The following CLEC16A variants were observed in gnomAD, a reference collection of about 807,000 sequenced individuals.
The protein encoded by CLEC16A is protein CLEC16A.
In CLEC16A, 51 loss-of-function variants were observed where a neutral mutation model predicts 109.5. The observed-to-expected ratio is 0.47, with a 90% CI of 0.37 to 0.59. The LOEUF is 0.59. CLEC16A is among the 20% of genes least tolerant of loss of function. The probability of loss-of-function intolerance (pLI) is 0.00; values close to 1 mark genes in which losing one functional copy is unlikely to be tolerated. For missense variants in CLEC16A, 1,339 were observed against 1,394.0 expected (o/e 0.96, Z 0.63); for synonymous variants, 673 against 564.2 (o/e 1.19, Z -2.73).
At chr16:11,153,883 G>A (rs2054396146) in intron 22 of CLEC16A, among the ~76,000 whole-genome samples, 1 of 152,150 alleles carries the variant, frequency 6.6e-6, no homozygotes, top group African/African-American at 2.4e-5. Flanking sequence ...GGAACAAAGG[G>A]AAAAGAGAGC....
intron 22 of CLEC16A, among the ~76,000 whole-genome samples, chr16:11,159,845 G>A (rs577880292): frequency 6.6e-6 from 1 of 152,094 alleles, no homozygotes; most frequent in African/African-American, 2.4e-5. Flanking sequence ...TTTACTTTTT[G>A]TTTTAGTAGC....
At chr16:11,150,230 ACAGAGG>A (rs2054241161) in intron 22 of CLEC16A, 1 of 152,242 alleles carries the variant, frequency 6.6e-6, no homozygotes, top group African/African-American at 2.4e-5. Context: ...ATATCTGGCC[ACAGAGG>A]TTTAGGATAA....
chr16:11,018,565 C>G (rs1054928482), intron 11 of CLEC16A, among the ~76,000 whole-genome samples: 1 of 151,926 alleles, frequency 6.6e-6, no homozygotes, highest in Non-Finnish European at 1.5e-5. Context: ...CTGGCCAACA[C>G]GGTGAAACCC....
chr16:11,058,521 A>G (rs1474094115), intron 18 of CLEC16A, among the ~76,000 whole-genome samples: 2 of 141,530 alleles, frequency 1.4e-5, no homozygotes. Context: ...TACAGATGCA[A>G]CCCTTTTTTT....
intron 10 of CLEC16A, among the ~76,000 whole-genome samples, chr16:10,988,730 C>T (rs146728706): frequency 1.3e-5 from 2 of 152,112 alleles, no homozygotes. Flanking sequence ...CTCCTCAAAT[C>T]GTGGTCCCTG....
At chr16:11,170,305 G>A (rs1377814003) in intron 23 of CLEC16A, among the ~76,000 whole-genome samples, 1 of 152,186 alleles carries the variant, frequency 6.6e-6, no homozygotes, top group Admixed American at 6.5e-5. Context: ...GAACCCCTGG[G>A]GGAGGAAGGC....
chr16:10,996,136 G>A (rs1281204949), intron 10 of CLEC16A, among the ~76,000 whole-genome samples: 4 of 152,076 alleles, frequency 2.6e-5, no homozygotes, highest in Non-Finnish European at 5.9e-5. Context: ...CCTCCCTGCT[G>A]CCCCACTGAA....
chr16:11,046,077 C>G (rs915798280), intron 16 of CLEC16A, among the ~76,000 whole-genome samples: 6 of 152,112 alleles, frequency 3.9e-5, no homozygotes, highest in Admixed American at 3.9e-4. Flanking sequence ...GCAAAGCCCA[C>G]GAGAAAGCAG....
intron 19 of CLEC16A, among the ~76,000 whole-genome samples, chr16:11,073,244 G>A (rs2049168110): frequency 1.3e-5 from 2 of 152,138 alleles, no homozygotes; most frequent in African/African-American, 4.8e-5. Context: ...TTTAAAGGAA[G>A]CACAGTCCTC....
chr16:11,178,562 C>A lies in CLEC16A; in HGVS notation c.3034C>A (p.Pro1012Thr), dbSNP rs200175537. ...CGTCGAATCGCTGACCCTTGTCCCCCCAGTTGACCCCCACAGCCTCCGCAG... is the reference window on the plus strand; with the variant it reads ...CGTCGAATCGCTGACCCTTGTCCCCACAGTTGACCCCCACAGCCTCCGCAG... ...LSVESLTLVP[P>T]VDPHSLRSLT... The change falls in exon 24 of 24, where the codon CCA becomes ACA. Residue 1012 changes from proline to threonine, a missense_variant. Pro to Thr is a conservative substitution (Grantham distance 38). Transcript: ENST00000409790. The surrounding 1 kb of genome is among the most constrained non-coding windows in gnomAD (Gnocchi z 6.5). 3.3e-5 allele frequency: 54 copies of A among 1,612,166 alleles called. No individual in the cohort carries two copies. The highest frequency in any genetic ancestry group is 3.6e-5 in the Non-Finnish European group (42 of 1,179,792).
chr16:11,107,781 A>G (rs1424216387), intron 19 of CLEC16A, among the ~76,000 whole-genome samples: 1 of 152,222 alleles, frequency 6.6e-6, no homozygotes, highest in Admixed American at 6.5e-5. Flanking sequence ...TCCCAAGGAA[A>G]CGTGATTTGT....
chr16:11,023,326 T>C (rs549320696), intron 12 of CLEC16A, among the ~76,000 whole-genome samples: 3 of 152,342 alleles, frequency 2.0e-5, no homozygotes, highest in African/African-American at 7.2e-5. Flanking sequence ...GGCATTTGGT[T>C]ATTCATATTA....
chr16:10,998,633 C>G (rs2044472927), intron 10 of CLEC16A, among the ~76,000 whole-genome samples: 1 of 152,138 alleles, frequency 6.6e-6, no homozygotes, highest in Non-Finnish European at 1.5e-5. Flanking sequence ...GAAAGTTTGG[C>G]TTTTTTTCCC....
chr16:11,140,580 C>T (rs2053778040), intron 22 of CLEC16A, among the ~76,000 whole-genome samples: 1 of 152,152 alleles, frequency 6.6e-6, no homozygotes, highest in Non-Finnish European at 1.5e-5. Flanking sequence ...AGAACAAATG[C>T]AGAATCTGGC....
chr16:10,965,068 C>G (rs189853614), intron 3 of CLEC16A, among the ~76,000 whole-genome samples: 1 of 152,334 alleles, frequency 6.6e-6, no homozygotes, highest in Non-Finnish European at 1.5e-5. Flanking sequence ...CTGGTAACCA[C>G]CCTTTGACTC....
intron 22 of CLEC16A, 106 bp from the exon 23 acceptor site, chr16:11,166,282 A>G: frequency 3.9e-6 from 5 of 1,272,354 alleles, no homozygotes; most frequent in Non-Finnish European, 5.3e-6. Flanking sequence ...GGAACAGAGC[A>G]GGACTTTCAA....
At chr16:11,111,996 C>A (rs1567333991) in intron 19 of CLEC16A, among the ~76,000 whole-genome samples, 2 of 152,220 alleles carry the variant, frequency 1.3e-5, no homozygotes, top group Non-Finnish European at 1.5e-5. Flanking sequence ...TCTAAACACT[C>A]CGAATGTCTG....
intron 1 of CLEC16A, among the ~76,000 whole-genome samples, chr16:10,947,215 G>T (rs543848852): frequency 1.3e-5 from 2 of 152,330 alleles, no homozygotes; most frequent in Admixed American, 6.5e-5. Flanking sequence ...GGGGTTAGAA[G>T]ATCCCCCAGT....
chr16:11,051,956 G>A (rs1207465669), intron 18 of CLEC16A, among the ~76,000 whole-genome samples: 9 of 152,186 alleles, frequency 5.9e-5, no homozygotes, highest in African/African-American at 1.7e-4. Flanking sequence ...GTGAACCATC[G>A]GGGGTGAGCA....
Sources: allele counts gnomAD v4.1 joint callset (sites outside exome capture counted in the v4.1 genomes callset), GRCh38; gene constraint gnomAD v4.1.1; non-coding constraint Gnocchi (gnomAD v3.1); transcripts MANE v1.5; gene names NCBI Gene and HGNC (gene_info 2026-07-23, HGNC 2026-07-21).